RPTOR: variants seen among roughly 807,000 people sequenced by gnomAD.
RPTOR encodes regulatory-associated protein of mTOR.
RPTOR carries 21 observed loss-of-function variants against 169.9 expected under a neutral mutation model. That is an observed-to-expected ratio of 0.12 (90% confidence interval 0.09 to 0.18). RPTOR has a LOEUF of 0.18. RPTOR is among the 10% of genes least tolerant of loss of function. The pLI is 1.00. For synonymous variants in RPTOR, 732 were observed against 753.2 expected, an observed-to-expected ratio of 0.97 and a Z score of 0.46; for missense variants, 1,133 against 1,855.9, an observed-to-expected ratio of 0.61 and a Z score of 7.16.
chr17:80,698,434 G>A (rs1026082196), intron 3 of RPTOR, among the ~76,000 whole-genome samples: 11 of 152,114 alleles, frequency 7.2e-5, no homozygotes, highest in African/African-American at 2.2e-4. Context: ...TTTCTGCACC[G>A]TTGTCACCAG....
Position 80,625,763 on chromosome 17 carries a change from A to T in RPTOR, c.235A>T (p.Thr79Ser). The T allele has an allele frequency of 6.2e-7, 1 of 1,612,914 alleles. No individual in the cohort carries two copies. Among genetic ancestry groups the T allele is most frequent in the Admixed American group, 1.7e-5 (1 of 60,032 alleles). Residue 79 changes from threonine to serine, a missense_variant, in exon 2 of 34, where the codon ACG becomes TCG. Physicochemically the swap from Thr to Ser is moderately conservative, Grantham distance 58 (BLOSUM62 1). Around this residue, in one of 9 missense-constraint regions of RPTOR, gnomAD observed 74 missense variants for 168.3 expected, o/e 0.44. Transcript: ENST00000306801. Reference sequence around the variant, plus strand: ...GGACCCTCCCGATGTGGTGAAGACCACGCCCTGTGCACGCTTGGAATGCTG... The same window carrying T: ...GGACCCTCCCGATGTGGTGAAGACCTCGCCCTGTGCACGCTTGGAATGCTG... The part of the protein sequence containing the change: ...GVDPPDVVKT[T>S]PCARLECWID...
intron 6 of RPTOR, among the ~76,000 whole-genome samples, chr17:80,788,281 T>C (rs1427857589): frequency 6.6e-6 from 1 of 152,158 alleles, no homozygotes; most frequent in Non-Finnish European, 1.5e-5. Context: ...GAGACCAGCC[T>C]GACCAACATG....
chr17:80,857,963 A>T (rs1232091153), intron 13 of RPTOR, 63 bp downstream of exon 13: 1 of 1,294,952 alleles, frequency 7.7e-7, no homozygotes, highest in Non-Finnish European at 1.1e-6. Context: ...GGGGATGCCG[A>T]GCCCTGCGTT....
In RPTOR at chr17:80,545,665, C is replaced by G. The variant is rs2143185124; in HGVS notation, c.36C>G (p.Gly12=). 6.2e-7 allele frequency: 1 copy of G among 1,613,182 alleles called. No individual in the cohort carries two copies. Residue 12 remains glycine (G), a synonymous_variant, in exon 1 of 34, where the codon GGC becomes GGG. Transcript: ENST00000306801. The part of the protein sequence containing the change: ...ESEMLQSPLL[G]LGEEDEADLT... Reference sequence around the variant, plus strand: ...AAATGCTGCAATCGCCTCTTCTGGGCCTGGGGGAGGAAGATGAGGCTGATC... The same window carrying G: ...AAATGCTGCAATCGCCTCTTCTGGGGCTGGGGGAGGAAGATGAGGCTGATC...
At chr17:80,793,831 T>G (rs2067074313) in intron 7 of RPTOR, among the ~76,000 whole-genome samples, 1 of 152,266 alleles carries the variant, frequency 6.6e-6, no homozygotes, top group East Asian at 1.9e-4. Flanking sequence ...TCAAACTACC[T>G]TATTTTACTG....
At chr17:80,930,484 G>C (rs200796761) in intron 24 of RPTOR, among the ~76,000 whole-genome samples, 8,696 of 50,488 alleles carry the variant, frequency 0.17, no homozygotes, top group East Asian at 0.26. Flanking sequence ...CTCATCCCCA[G>C]CTCATCCCCA....
chr17:80,598,163 T>A (rs1351672669), intron 1 of RPTOR, among the ~76,000 whole-genome samples: 1 of 151,786 alleles, frequency 6.6e-6, no homozygotes, highest in Non-Finnish European at 1.5e-5. Context: ...TTCGTCTGCT[T>A]GAGATGTGGG....
intron 3 of RPTOR, among the ~76,000 whole-genome samples, chr17:80,678,944 G>T (rs550424392): frequency 6.6e-6 from 1 of 152,230 alleles, no homozygotes; most frequent in African/African-American, 2.4e-5. Context: ...GGCGATGTTT[G>T]TGTTTGTTTT....
intron 21 of RPTOR, among the ~76,000 whole-genome samples, chr17:80,910,085 C>T (rs565340695): frequency 6.6e-6 from 1 of 152,296 alleles, no homozygotes; most frequent in East Asian, 1.9e-4. Context: ...CCCCAGGGGC[C>T]TCTCCTGCAG....
At chr17:80,628,261 C>T (rs368913421) in intron 2 of RPTOR, among the ~76,000 whole-genome samples, 67 of 152,212 alleles carry the variant, frequency 4.4e-4, no homozygotes, top group African/African-American at 1.6e-3. Flanking sequence ...CATTTCTTTC[C>T]GCAGTTCCAA....
rs574387341 is a variant in RPTOR at position 80,807,641 on chromosome 17, T to C, written c.891-14560T>C. Reference sequence around the variant, plus strand: ...GGCTGGGGTTACAGGCATGAGCCACTGTGCCCGGCCAAGCCCCTTTTTTTT... The same window carrying C: ...GGCTGGGGTTACAGGCATGAGCCACCGTGCCCGGCCAAGCCCCTTTTTTTT... On this transcript the variant is annotated intron_variant, in intron 7 of 33. Coordinates refer to ENST00000306801, the MANE Select transcript of RPTOR (RefSeq NM_020761.3). 9.1e-4 allele frequency among the ~76,000 whole-genome samples: 138 copies of C among 152,298 alleles called. 1 individual carries two copies. Among genetic ancestry groups the C allele is most frequent in the African/African-American group, 3.2e-3 (134 of 41,572 alleles).
chr17:80,701,799 A>G (rs1053657671), intron 3 of RPTOR, among the ~76,000 whole-genome samples: 1 of 152,198 alleles, frequency 6.6e-6, no homozygotes. Flanking sequence ...ACAGATGTCT[A>G]TGTCCAGCCT....
At chr17:80,953,217 C>A (rs527802946) in intron 28 of RPTOR, among the ~76,000 whole-genome samples, 59 of 152,152 alleles carry the variant, frequency 3.9e-4, no homozygotes, top group Non-Finnish European at 7.4e-4. Context: ...CCAGAAGATT[C>A]TCACCACTCC....
At chr17:80,786,416 A>G (rs2066991764) in intron 6 of RPTOR, among the ~76,000 whole-genome samples, 2 of 152,236 alleles carry the variant, frequency 1.3e-5, no homozygotes, top group African/African-American at 4.8e-5. Flanking sequence ...ATGATATTTG[A>G]CAAGGTTACC....
In RPTOR at chr17:80,586,897, T is replaced by C. The variant is rs148878214; in HGVS notation, c.163-38794T>C. 3.0e-3 allele frequency among the ~76,000 whole-genome samples: 455 copies of C among 152,386 alleles called. 1 individual carries two copies. Among genetic ancestry groups the C allele is most frequent in the African/African-American group, 0.01 (430 of 41,596 alleles). The stretch of plus-strand genomic sequence containing the variant: ...CTGTTCCTGTTCCTTGGACTGGATT[T>C]TCACGGGCTCGCTGGCAAGCAGGTC... On this transcript the variant is annotated intron_variant, in intron 1 of 33. Transcript: ENST00000306801.
intron 1 of RPTOR, among the ~76,000 whole-genome samples, chr17:80,550,592 G>GT (rs1430329008): frequency 3.9e-5 from 6 of 152,116 alleles, no homozygotes; most frequent in Non-Finnish European, 8.8e-5. Flanking sequence ...CTTTTTCTTA[G>GT]TTTTCTCCAT....
At chr17:80,893,956 G>A in intron 20 of RPTOR, 91 bp downstream of exon 20, 1 of 1,294,278 alleles carries the variant, frequency 7.7e-7, no homozygotes, top group Non-Finnish European at 1.0e-6. Context: ...CATCAGGTCA[G>A]TGGGTGTCAA....
At chr17:80,574,830 T>TTTC (rs2064946453) in intron 1 of RPTOR, among the ~76,000 whole-genome samples, 1 of 147,798 alleles carries the variant, frequency 6.8e-6, no homozygotes, top group Non-Finnish European at 1.5e-5. Flanking sequence ...TTATTTAATT[T>TTTC]TTTTTTTTTT....
At chr17:80,924,469 G>T (rs966788013) in intron 23 of RPTOR, among the ~76,000 whole-genome samples, 2 of 152,288 alleles carry the variant, frequency 1.3e-5, no homozygotes, top group South Asian at 4.1e-4. Flanking sequence ...GAACGGCCAT[G>T]TTGGGGTAGA....
Sources: gnomAD v4.1 joint callset for allele counts (sites outside exome capture counted in the v4.1 genomes callset) on GRCh38, gnomAD v4.1.1 for gene constraint, gnomAD v4.1.1 regional missense constraint, MANE v1.5 for transcripts, NCBI Gene and HGNC (gene_info 2026-07-23, HGNC 2026-07-21) for gene names.